NSUN4: variants seen among roughly 807,000 people sequenced by gnomAD.
The protein encoded by NSUN4 is NOP2/Sun RNA methyltransferase 4.
NSUN4 carries 31 observed loss-of-function variants against 43.8 expected under a neutral mutation model. The ratio of observed to expected loss-of-function variants is 0.71; its 90% CI spans 0.53 to 0.96. The LOEUF (loss-of-function observed/expected upper bound fraction) is 0.96, where lower values mean the gene tolerates loss of function less well. Ranked by LOEUF, NSUN4 falls within the 40% of genes least tolerant of loss-of-function variation. The pLI is 0.00. For missense variants in NSUN4, 439 were observed against 475.6 expected, an observed-to-expected ratio of 0.92 and a Z score of 0.72; for synonymous variants, 167 against 184.1, an observed-to-expected ratio of 0.91 and a Z score of 0.75.
At chr1:46,380,658 A>G in the NSUN4 span, among the ~76,000 whole-genome samples, 1 of 152,224 alleles carries the variant, frequency 6.6e-6, no homozygotes, top group East Asian at 1.9e-4. Context: ...TGTGTGAGAT[A>G]GTCACCAGTG....
chr1:46,359,859 C>CA (rs1663688050), intron 4 of NSUN4, among the ~76,000 whole-genome samples: 1 of 151,866 alleles, frequency 6.6e-6, no homozygotes, highest in Non-Finnish European at 1.5e-5. Context: ...CAGAAGTGAC[C>CA]AAATCATAAG....
the NSUN4 span, among the ~76,000 whole-genome samples, chr1:46,380,699 G>C: frequency 1.3e-5 from 2 of 152,154 alleles, no homozygotes; most frequent in African/African-American, 2.4e-5. Flanking sequence ...AGGAAACTGA[G>C]GCACAAGAGG....
At chr1:46,356,700 A>AGAAG (rs201127808) in intron 4 of NSUN4, among the ~76,000 whole-genome samples, 16 of 148,754 alleles carry the variant, frequency 1.1e-4, no homozygotes, top group African/African-American at 2.2e-4. Context: ...CAAAAAAAAA[A>AGAAG]AAGAAGAAGA....
chr1:46,353,106 G>A, intron 4 of NSUN4, 78 bp downstream of exon 4: 1 of 1,359,258 alleles, frequency 7.4e-7, no homozygotes, highest in Non-Finnish European at 1.0e-6. Flanking sequence ...TGAGGGGTTA[G>A]GATCCAGCCC....
At chr1:46,358,492 C>T (rs1663561811) in intron 4 of NSUN4, among the ~76,000 whole-genome samples, 1 of 146,480 alleles carries the variant, frequency 6.8e-6, no homozygotes, top group African/African-American at 2.5e-5. Flanking sequence ...ACCTGTGCCT[C>T]CTGGATTTAA....
chr1:46,357,905 A>G (rs1663496265), intron 4 of NSUN4, among the ~76,000 whole-genome samples: 1 of 152,074 alleles, frequency 6.6e-6, no homozygotes, highest in Non-Finnish European at 1.5e-5. Flanking sequence ...AGCTCTGTCA[A>G]ATTATTATCA....
At chr1:46,360,249 A>AATAT (rs773980804) in intron 4 of NSUN4, among the ~76,000 whole-genome samples, 24 of 25,766 alleles carry the variant, frequency 9.3e-4, no homozygotes, top group African/African-American at 2.6e-3. Context: ...AAAAAAAAAA[A>AATAT]ATATATATAT....
chr1:46,375,736 C>CAA, the NSUN4 span, among the ~76,000 whole-genome samples: 572 of 69,694 alleles, frequency 8.2e-3, 7 homozygotes, highest in Non-Finnish European at 0.011. Flanking sequence ...GACTCTGTCT[C>CAA]AAAAAAAAAA....
At position 46,360,739 on chromosome 1, in the gene NSUN4, C is replaced by T; in HGVS notation, c.789C>T (p.His263=). ...LVDVPCTTDR[H]SLHEEENNIF... ...ATGTGCCCTGTACCACAGACCGCCA[C>T]TCCCTTCATGAGGAGGAGAACAACA... Residue 263 remains histidine, a synonymous_variant, in exon 5 of 6, where the codon CAC becomes CAT. Coordinates refer to ENST00000474844, the MANE Select transcript of NSUN4 (RefSeq NM_199044.4). 6.2e-7 allele frequency: 1 copy of T among 1,613,992 alleles called. No individual in the cohort carries two copies. The highest frequency in any genetic ancestry group is 8.5e-7 in the Non-Finnish European group (1 of 1,179,894).
Position 46,341,290 on chromosome 1 carries a change from A to C in NSUN4, c.93+371A>C, listed in dbSNP as rs967891937. On this transcript the variant is annotated intron_variant, in intron 1 of 5. Transcript: ENST00000474844. ...CCTTTCCCTTGCCCATTCTTCCCCC[A>C]CATGACTTCTCCTTTCCTCATTGAT... The C allele has an allele frequency of 3.8e-5, 35 of 918,720 alleles. No individual in the cohort carries two copies. In the African/African-American group the frequency reaches 1.0e-3, roughly 27 times the overall value. 56.9% of individuals were successfully genotyped at this position (918,720 alleles called of 1,614,324 possible).
the NSUN4 span, among the ~76,000 whole-genome samples, chr1:46,377,056 C>T: frequency 6.8e-6 from 1 of 146,414 alleles, no homozygotes; most frequent in Non-Finnish European, 1.5e-5. Context: ...CTGCACCGGC[C>T]TTTTTTTTTT....
chr1:46,341,632 C>T, intron 1 of NSUN4: 2 of 1,223,782 alleles, frequency 1.6e-6, no homozygotes, highest in Non-Finnish European at 2.0e-6. Flanking sequence ...CCCTCGCCAC[C>T]TCCACCATCT....
chr1:46,382,147 C>T, the NSUN4 span, among the ~76,000 whole-genome samples: 1 of 152,192 alleles, frequency 6.6e-6, no homozygotes, highest in African/African-American at 2.4e-5. Context: ...TCATAACCAG[C>T]CCCCTTAGAA....
the NSUN4 span, chr1:46,370,456 G>A: frequency 2.0e-5 from 3 of 151,892 alleles, no homozygotes; most frequent in African/African-American, 7.3e-5. Context: ...TCTTGGACAT[G>A]TAGTAGGCTT....
intron 1 of NSUN4, chr1:46,343,267 C>T (rs184451539): frequency 4.8e-5 from 19 of 399,792 alleles, no homozygotes; most frequent in Admixed American, 2.2e-4. Context: ...CCTGTGATGC[C>T]TCCTTGTTCT....
chr1:46,352,865 T>C lies in NSUN4; in HGVS notation c.593-3T>C, dbSNP rs777534418. 2.5e-6 allele frequency: 4 copies of C among 1,613,904 alleles called. No homozygotes were observed. The highest frequency in any genetic ancestry group is 4.5e-5 in the East Asian group (2 of 44,874). ...GGCCTCTGAAGTATCTTTATTTCCATAGGCAATCTTGCTGCCAATGATCTC... is the reference window on the plus strand; with the variant it reads ...GGCCTCTGAAGTATCTTTATTTCCACAGGCAATCTTGCTGCCAATGATCTC... On this transcript the variant is annotated splice_region_variant and splice_polypyrimidine_tract_variant and intron_variant, in intron 3 of 5. Transcript: ENST00000474844.
downstream of NSUN4, among the ~76,000 whole-genome samples, chr1:46,369,652 GCAGAGGGAA>G (rs1453181204): frequency 2.6e-5 from 4 of 152,154 alleles, no homozygotes; most frequent in African/African-American, 7.2e-5. Flanking sequence ...GAGTGCCCTA[GCAGAGGGAA>G]CAGTTCGTGT....
intron 4 of NSUN4, among the ~76,000 whole-genome samples, chr1:46,360,267 T>C (rs890972877): frequency 9.4e-6 from 1 of 106,536 alleles, no homozygotes; most frequent in Non-Finnish European, 1.9e-5. Flanking sequence ...TATATATATA[T>C]ATATATATAT....
chr1:46,343,689 C>T (rs1662283387), intron 1 of NSUN4: 1 of 400,228 alleles, frequency 2.5e-6, no homozygotes, highest in African/African-American at 2.1e-5. Context: ...GAGCAGTAAT[C>T]CTCAACAAAA....
Sources: gnomAD v4.1 joint callset for allele counts (sites outside exome capture counted in the v4.1 genomes callset) on GRCh38, gnomAD v4.1.1 for gene constraint, MANE v1.5 for transcripts, NCBI Gene and HGNC (gene_info 2026-07-23, HGNC 2026-07-21) for gene names.